Variants in NPIPB7 observed in about 807,000 individuals in gnomAD.
NPIPB7 encodes the protein nuclear pore complex-interacting protein family member B7.
For missense variants in NPIPB7, 14 were observed against 238.5 expected (o/e 0.06, Z 6.20); for synonymous variants, 9 against 88.1 (o/e 0.10, Z 5.03).
At chr16:28,464,844 C>T (rs2045896573) in intron 2 of NPIPB7, among the ~76,000 whole-genome samples, 1 of 149,834 alleles carries the variant, frequency 6.7e-6, no homozygotes, top group Non-Finnish European at 1.5e-5. Context: ...CTGATTTCTG[C>T]ACATAGGATA....
At chr16:28,470,828 C>G (rs1402216757), upstream of NPIPB7, among the ~76,000 whole-genome samples, 1 of 138,352 alleles carries the variant, frequency 7.2e-6, no homozygotes, top group Admixed American at 7.3e-5. Context: ...CAACAGGACA[C>G]GCGGGGCAAG....
chr16:28,463,559 T>C (rs2045885235), intron 2 of NPIPB7, among the ~76,000 whole-genome samples: 1 of 142,654 alleles, frequency 7.0e-6, no homozygotes, highest in South Asian at 2.2e-4. Flanking sequence ...AAACGCTGTC[T>C]CTGCTAAAAA....
rs56397760 is a variant in NPIPB7 at position 28,463,433 on chromosome 16, A to AC, written c.250-353_250-352insG. ...CACACACACACACACACACACACAC[A>AC]AGAATGACATGAGGCTGGCACGGTG... is the stretch of plus-strand genomic sequence containing the variant. On this transcript the variant is annotated intron_variant, in intron 2 of 6. Transcript: ENST00000452313. Among the ~76,000 whole-genome samples the AC allele has an allele frequency of 6.9e-4, 76 of 110,502 alleles. 1 individual carries two copies. The highest frequency in any genetic ancestry group is 1.1e-3 in the Non-Finnish European group (58 of 54,150). 72.5% of individuals were successfully genotyped at this position (110,502 alleles called of 152,430 possible). A position where few individuals can be genotyped will look rare whatever the true frequency, so the allele number is the denominator to read the frequency against.
intron 2 of NPIPB7, among the ~76,000 whole-genome samples, chr16:28,465,485 G>T (rs1271167403): frequency 1.4e-5 from 2 of 142,102 alleles, no homozygotes; most frequent in African/African-American, 5.0e-5. Context: ...ACTCGTCTCG[G>T]GGGTGAGAAA....
upstream of NPIPB7, chr16:28,470,627 G>A (rs2045942625): frequency 7.5e-5 from 8 of 106,526 alleles, no homozygotes; most frequent in South Asian, 6.8e-4. Flanking sequence ...GGAAGGGGAG[G>A]GGAGGGGGAG....
At chr16:28,464,922 A>G (rs1276058508) in intron 2 of NPIPB7, among the ~76,000 whole-genome samples, 1 of 146,576 alleles carries the variant, frequency 6.8e-6, no homozygotes, top group East Asian at 2.1e-4. Flanking sequence ...GAAAAGAGCA[A>G]CCACGTCAAT....
intron 1 of NPIPB7, among the ~76,000 whole-genome samples, chr16:28,469,971 A>T (rs1162308951): frequency 7.3e-5 from 8 of 110,016 alleles, no homozygotes; most frequent in Non-Finnish European, 1.3e-4. Context: ...GACTCTGTCT[A>T]AAAAAAAAAA....
At chr16:28,472,224 G>A (rs953372588), upstream of NPIPB7, among the ~76,000 whole-genome samples, 1 of 151,964 alleles carries the variant, frequency 6.6e-6, no homozygotes, top group Admixed American at 6.6e-5. Flanking sequence ...ACCAGACTGG[G>A]CAACATAGTG....
At chr16:28,469,347 C>T in intron 1 of NPIPB7, among the ~76,000 whole-genome samples, 1 of 113,582 alleles carries the variant, frequency 8.8e-6, no homozygotes, top group Non-Finnish European at 2.1e-5. Flanking sequence ...GCCTGTAATC[C>T]CAACACTTTG....
intron 4 of NPIPB7, among the ~76,000 whole-genome samples, chr16:28,461,929 C>A (rs2045872671): frequency 8.3e-6 from 1 of 120,980 alleles, no homozygotes; most frequent in African/African-American, 3.3e-5. Flanking sequence ...GCCTGGGTGA[C>A]AGAGTGAGAC....
chr16:28,472,276 G>A (rs910050880), upstream of NPIPB7, among the ~76,000 whole-genome samples: 1 of 152,028 alleles, frequency 6.6e-6, no homozygotes, highest in Non-Finnish European at 1.5e-5. Flanking sequence ...AGGTAGCTGG[G>A]TGTGGTGGCT....
chr16:28,470,091 A>G (rs1438393095), intron 1 of NPIPB7, among the ~76,000 whole-genome samples: 8 of 141,206 alleles, frequency 5.7e-5, no homozygotes, highest in Admixed American at 4.9e-4. Context: ...AGCTCACTGC[A>G]ACGTCCAGCT....
chr16:28,462,201 C>T (rs1313534125), intron 4 of NPIPB7, among the ~76,000 whole-genome samples: 1 of 149,650 alleles, frequency 6.7e-6, no homozygotes, highest in Admixed American at 6.6e-5. Context: ...AGGTGGATTA[C>T]CTGAGGTCAG....
chr16:28,462,093 G>T (rs1488285080), intron 4 of NPIPB7, among the ~76,000 whole-genome samples: 1 of 148,476 alleles, frequency 6.7e-6, no homozygotes, highest in Non-Finnish European at 1.5e-5. Flanking sequence ...CTCCAGCCTG[G>T]GCGACAGAGC....
At chr16:28,463,727 CAAAAAAAAAAAA>C (rs1199745082) in intron 2 of NPIPB7, among the ~76,000 whole-genome samples, 6 of 15,078 alleles carry the variant, frequency 4.0e-4, no homozygotes, top group African/African-American at 1.2e-4. Flanking sequence ...AACTCTGTCT[CAAAAAAAAAAAA>C]AAAAAAAAAA....
chr16:28,472,305 G>C (rs1038694825), upstream of NPIPB7, among the ~76,000 whole-genome samples: 2 of 151,472 alleles, frequency 1.3e-5, no homozygotes, highest in African/African-American at 4.8e-5. Context: ...GGCTGAGGCA[G>C]AGGAGCCCAG....
In NPIPB7 at chr16:28,462,091, T is replaced by A. The variant is rs1367376303; in HGVS notation, c.545+583A>T. Among the ~76,000 whole-genome samples, 26 of 147,220 alleles carry A rather than the reference T, an allele frequency of 1.8e-4. 1 individual carries two copies. The highest frequency in any genetic ancestry group is 3.6e-3 in the Middle Eastern group (1 of 278). On this transcript the variant is annotated intron_variant, in intron 4 of 6. Coordinates refer to ENST00000452313, the Ensembl canonical transcript of NPIPB7. ...AAGATTGCACCATAGCACTCCAGCC[T>A]GGGCGACAGAGCGAGATTCTATCTC...
chr16:28,471,929 C>T (rs1359045643), upstream of NPIPB7, among the ~76,000 whole-genome samples: 2 of 152,122 alleles, frequency 1.3e-5, no homozygotes, highest in Non-Finnish European at 2.9e-5. Flanking sequence ...ACTTGGTAGG[C>T]TGAGGCAGGA....
intron 1 of NPIPB7, among the ~76,000 whole-genome samples, chr16:28,468,785 T>C (rs1487853722): frequency 1.0e-5 from 1 of 99,228 alleles, no homozygotes; most frequent in South Asian, 3.0e-4. Flanking sequence ...TCAGCCTGGG[T>C]GACAGAGTGA....
Sources: gnomAD v4.1 joint callset for allele counts (sites outside exome capture counted in the v4.1 genomes callset) on GRCh38, gnomAD v4.1.1 for gene constraint, MANE v1.5 for transcripts, NCBI Gene and HGNC (gene_info 2026-07-23, HGNC 2026-07-21) for gene names.